LDB2: variants seen among roughly 807,000 people sequenced by gnomAD.
LDB2 encodes LIM domain binding 2.
LDB2 carries 12 observed loss-of-function variants against 44.3 expected under a neutral mutation model. The observed-to-expected ratio is 0.27, with a 90% CI of 0.17 to 0.44. The LOEUF (loss-of-function observed/expected upper bound fraction) is 0.44. Among genes scored for constraint, LDB2 ranks in the 20% least tolerant of loss-of-function variants. The probability of loss-of-function intolerance (pLI) is 1.00; values close to 1 mark genes in which losing one functional copy is unlikely to be tolerated. For synonymous variants in LDB2, 164 were observed against 174.8 expected, an observed-to-expected ratio of 0.94 and a Z score of 0.49; for missense variants, 344 against 473.5, an observed-to-expected ratio of 0.73 and a Z score of 2.54.
chr4:16,808,075 T>C (rs1779117490), intron 1 of LDB2, among the ~76,000 whole-genome samples: 1 of 151,982 alleles, frequency 6.6e-6, no homozygotes, highest in Non-Finnish European at 1.5e-5. Context: ...ACACACTCAA[T>C]ATAGTGTGTT....
chr4:16,661,764 A>G (rs1157881625), intron 2 of LDB2, among the ~76,000 whole-genome samples: 1 of 152,214 alleles, frequency 6.6e-6, no homozygotes, highest in Non-Finnish European at 1.5e-5. Flanking sequence ...ATCACATGCA[A>G]CTGAAGAGAT....
intron 3 of LDB2, among the ~76,000 whole-genome samples, chr4:16,593,424 C>A: frequency 6.7e-6 from 1 of 149,958 alleles, no homozygotes; most frequent in Non-Finnish European, 1.5e-5. Context: ...AGAAAAACAA[C>A]ATTGGAAAGT....
At chr4:16,778,358 C>T (rs1772421397) in intron 1 of LDB2, among the ~76,000 whole-genome samples, 2 of 152,022 alleles carry the variant, frequency 1.3e-5, no homozygotes, top group Non-Finnish European at 2.9e-5. Flanking sequence ...TACGAAACTC[C>T]TCTCTATATA....
chr4:16,877,200 ACT>A (rs1718688221), intron 1 of LDB2, among the ~76,000 whole-genome samples: 1 of 152,172 alleles, frequency 6.6e-6, no homozygotes, highest in African/African-American at 2.4e-5. Context: ...CCAGGGCAAT[ACT>A]CTGACTTTCA....
At chr4:16,725,148 A>G (rs1298318470) in intron 2 of LDB2, among the ~76,000 whole-genome samples, 1 of 152,098 alleles carries the variant, frequency 6.6e-6, no homozygotes, top group Non-Finnish European at 1.5e-5. Context: ...AGCCCCACCT[A>G]TTCACTGACA....
chr4:16,753,980 G>A (rs184955614), intron 2 of LDB2, among the ~76,000 whole-genome samples: 71 of 152,266 alleles, frequency 4.7e-4, no homozygotes, highest in Middle Eastern at 6.8e-3. Context: ...AAACCCTTAC[G>A]TTTCAAGTAA....
intron 1 of LDB2, among the ~76,000 whole-genome samples, chr4:16,857,462 T>A (rs1789582978): frequency 6.6e-6 from 1 of 152,200 alleles, no homozygotes; most frequent in Non-Finnish European, 1.5e-5. Flanking sequence ...CAAAGTTTAA[T>A]TCAGATCAAA....
At chr4:16,520,428 G>C (rs181854914) in intron 5 of LDB2, among the ~76,000 whole-genome samples, 3 of 152,304 alleles carry the variant, frequency 2.0e-5, no homozygotes, top group Admixed American at 1.3e-4. Context: ...CTTTCCCTTA[G>C]AAGCGATGCA....
intron 5 of LDB2, among the ~76,000 whole-genome samples, chr4:16,554,285 G>T (rs753278624): frequency 2.0e-5 from 3 of 152,046 alleles, no homozygotes; most frequent in African/African-American, 4.8e-5. Flanking sequence ...CCCAGCCTCA[G>T]GTGATCCACC....
In LDB2 at chr4:16,513,039, C is replaced by G. The variant is rs1213506939; in HGVS notation, c.616-935G>C. Reference sequence around the variant, plus strand: ...CAATGATATAAATATCGGCCATGCACCTTCTTCTGTGAAAAAGCATCACCT... The same window carrying G: ...CAATGATATAAATATCGGCCATGCAGCTTCTTCTGTGAAAAAGCATCACCT... On this transcript the variant is annotated intron_variant, in intron 5 of 7. Coordinates refer to ENST00000304523, the MANE Select transcript of LDB2 (RefSeq NM_001290.5). 1.3e-5 allele frequency among the ~76,000 whole-genome samples: 2 copies of G among 152,282 alleles called. 1 individual carries two copies. Among genetic ancestry groups the G allele is most frequent in the African/African-American group, 4.8e-5 (2 of 41,556 alleles).
At chr4:16,836,292 C>A (rs1453871082) in intron 1 of LDB2, among the ~76,000 whole-genome samples, 2 of 152,186 alleles carry the variant, frequency 1.3e-5, no homozygotes, top group African/African-American at 4.8e-5. Context: ...AAATCTAGAA[C>A]TTCATCTGCA....
At chr4:16,581,487 A>G (rs1181560484) in intron 5 of LDB2, 1 of 965,932 alleles carries the variant, frequency 1.0e-6, no homozygotes, top group Non-Finnish European at 1.2e-6. Context: ...GGCTCAAAAC[A>G]CCTACTTTTG....
rs191518954 is a variant in LDB2 at position 16,589,324 on chromosome 4, G to A, written c.409-492C>T. ...GTTTTTATTTCCAAAACGAAATTCCGGAGGGCAATGTTTAACCCAAGGCAG... is the reference window on the plus strand; with the variant it reads ...GTTTTTATTTCCAAAACGAAATTCCAGAGGGCAATGTTTAACCCAAGGCAG... On this transcript the variant is annotated intron_variant, in intron 3 of 7. Coordinates refer to ENST00000304523, the MANE Select transcript of LDB2 (RefSeq NM_001290.5). Among the ~76,000 whole-genome samples, 54 of 152,186 alleles carry A rather than the reference G, an allele frequency of 3.5e-4. No homozygotes were observed. In the East Asian group the frequency reaches 9.3e-3, roughly 26 times the overall value.
chr4:16,578,599 T>C (rs940797777), intron 5 of LDB2, among the ~76,000 whole-genome samples: 1 of 152,164 alleles, frequency 6.6e-6, no homozygotes. Context: ...TTGCACACTA[T>C]AGGTAGGAAT....
At position 16,637,454 on chromosome 4, in the gene LDB2, T is replaced by C. The variant is rs560624232; in HGVS notation, c.236-41579A>G. ...ACATAGTAAAGTCAATGATGACTCA[T>C]TCATTAATTCCACAAGTCTTTACGG... On this transcript the variant is annotated intron_variant, in intron 2 of 7. Transcript: ENST00000304523. Among the ~76,000 whole-genome samples the C allele has an allele frequency of 2.6e-5, 4 of 152,114 alleles. No individual in the cohort carries two copies. The East Asian group carries it at 7.8e-4, about 30-fold the overall frequency.
chr4:16,728,046 A>C (rs283016), intron 2 of LDB2, among the ~76,000 whole-genome samples: 4 of 151,960 alleles, frequency 2.6e-5, no homozygotes, highest in Admixed American at 2.0e-4. Context: ...AAGATTTACT[A>C]TGGGGGAACT....
chr4:16,842,340 G>A (rs1057291202), intron 1 of LDB2, among the ~76,000 whole-genome samples: 1 of 152,044 alleles, frequency 6.6e-6, no homozygotes, highest in African/African-American at 2.4e-5. Context: ...ATGTCAGAGA[G>A]AGAAACGGAG....
chr4:16,846,721 T>C (rs187532444), intron 1 of LDB2, among the ~76,000 whole-genome samples: 33 of 152,342 alleles, frequency 2.2e-4, no homozygotes, highest in African/African-American at 7.9e-4. Flanking sequence ...GAGCTCTCCA[T>C]TAATTCTGTC....
intron 3 of LDB2, among the ~76,000 whole-genome samples, chr4:16,592,947 C>A (rs572358944): frequency 9.2e-5 from 14 of 152,144 alleles, no homozygotes; most frequent in East Asian, 1.9e-4. Flanking sequence ...ATTATTAAAC[C>A]TTGTTTTCTA....
Sources: allele counts gnomAD v4.1 joint callset (sites outside exome capture counted in the v4.1 genomes callset), GRCh38; gene constraint gnomAD v4.1.1; transcripts MANE v1.5; gene names NCBI Gene and HGNC (gene_info 2026-07-23, HGNC 2026-07-21).